The following AGBL4 variants were observed in gnomAD, a reference collection of about 807,000 sequenced individuals.
AGBL4 encodes AGBL carboxypeptidase 4.
AGBL4 carries 58 observed loss-of-function variants against 66.4 expected under a neutral mutation model. That is an observed-to-expected ratio of 0.87 (90% CI 0.71 to 1.09). The LOEUF is 1.09. Ranked by LOEUF, AGBL4 falls within the 50% of genes least tolerant of loss-of-function variation. The pLI is 0.00. For synonymous variants in AGBL4, 234 were observed against 222.9 expected, an observed-to-expected ratio of 1.05 and a Z score of -0.44; for missense variants, 579 against 631.0, an observed-to-expected ratio of 0.92 and a Z score of 0.88.
intron 1 of AGBL4, among the ~76,000 whole-genome samples, chr1:49,894,727 A>G (rs1649012336): frequency 6.6e-6 from 1 of 152,168 alleles, no homozygotes; most frequent in African/African-American, 2.4e-5. Context: ...AGAGGATACA[A>G]AAGAAAAAAG....
At chr1:49,891,738 A>G (rs370524911) in intron 1 of AGBL4, among the ~76,000 whole-genome samples, 1 of 152,194 alleles carries the variant, frequency 6.6e-6, no homozygotes, top group Non-Finnish European at 1.5e-5. Flanking sequence ...CAGAATTGAT[A>G]AGACAAGAAC....
chr1:49,815,497 T>C (rs942369115), intron 2 of AGBL4, among the ~76,000 whole-genome samples: 2 of 152,222 alleles, frequency 1.3e-5, no homozygotes, highest in African/African-American at 4.8e-5. Context: ...AGATATATTT[T>C]TGATATACTG....
chr1:49,626,566 G>C (rs1343693820), intron 3 of AGBL4, among the ~76,000 whole-genome samples: 1 of 152,096 alleles, frequency 6.6e-6, no homozygotes, highest in Non-Finnish European at 1.5e-5. Flanking sequence ...TCAGTGCCTT[G>C]TGCCTACTCC....
chr1:49,037,457 C>T (rs570033451), intron 5 of AGBL4, among the ~76,000 whole-genome samples: 11 of 152,032 alleles, frequency 7.2e-5, no homozygotes, highest in Non-Finnish European at 1.5e-4. Context: ...AGGATACAGT[C>T]CAAATTCTTT....
At chr1:49,796,665 C>T (rs951899813) in intron 2 of AGBL4, among the ~76,000 whole-genome samples, 2 of 151,144 alleles carry the variant, frequency 1.3e-5, no homozygotes, top group Non-Finnish European at 3.0e-5. Context: ...TATGTTTCTG[C>T]TTTTTTCTAT....
At chr1:49,728,984 A>G (rs191147324) in intron 2 of AGBL4, among the ~76,000 whole-genome samples, 1 of 152,202 alleles carries the variant, frequency 6.6e-6, no homozygotes, top group Non-Finnish European at 1.5e-5. Flanking sequence ...TCCATATTGT[A>G]TGTTCACTTA....
chr1:48,976,770 G>A (rs570338585), intron 5 of AGBL4, among the ~76,000 whole-genome samples: 1 of 151,954 alleles, frequency 6.6e-6, no homozygotes, highest in South Asian at 2.1e-4. Context: ...AGAAACAAAG[G>A]GCTCATTCCT....
chr1:49,377,235 T>C (rs2148565191), intron 3 of AGBL4, among the ~76,000 whole-genome samples: 1 of 152,230 alleles, frequency 6.6e-6, no homozygotes, highest in African/African-American at 2.4e-5. Context: ...CACAAAACTA[T>C]GAGACTAGAA....
chr1:49,619,042 C>T (rs1558106425), intron 3 of AGBL4, among the ~76,000 whole-genome samples: 1 of 152,064 alleles, frequency 6.6e-6, no homozygotes, highest in Non-Finnish European at 1.5e-5. Flanking sequence ...GGAAGCATTC[C>T]CTTCGAAAAC....
chr1:48,885,806 C>T (rs1650269465), intron 5 of AGBL4, among the ~76,000 whole-genome samples: 1 of 152,130 alleles, frequency 6.6e-6, no homozygotes, highest in Admixed American at 6.5e-5. Context: ...GGTTATACCA[C>T]CATCTTGGCT....
intron 11 of AGBL4, among the ~76,000 whole-genome samples, chr1:48,540,035 T>C (rs1248745080): frequency 2.0e-5 from 3 of 152,128 alleles, no homozygotes; most frequent in Non-Finnish European, 4.4e-5. Flanking sequence ...ACCCAAAGCC[T>C]GTGCTCATAG....
chr1:49,270,669 C>T (rs572985913), intron 3 of AGBL4, among the ~76,000 whole-genome samples: 1 of 152,066 alleles, frequency 6.6e-6, no homozygotes, highest in Non-Finnish European at 1.5e-5. Flanking sequence ...TCTTCTATTC[C>T]CTCTCTAGAA....
chr1:48,959,895 A>G (rs1657812886), intron 5 of AGBL4, among the ~76,000 whole-genome samples: 1 of 152,234 alleles, frequency 6.6e-6, no homozygotes, highest in South Asian at 2.1e-4. Flanking sequence ...GGCCACAGTA[A>G]GAAGACTTTC....
chr1:48,784,477 G>A (rs958386428), intron 6 of AGBL4, among the ~76,000 whole-genome samples: 2 of 152,170 alleles, frequency 1.3e-5, no homozygotes, highest in Admixed American at 6.5e-5. Flanking sequence ...AATTTCAAAT[G>A]TTCAAGAGCC....
At chr1:49,313,942 C>T (rs1409856988) in intron 3 of AGBL4, among the ~76,000 whole-genome samples, 1 of 152,112 alleles carries the variant, frequency 6.6e-6, no homozygotes. Flanking sequence ...AGTCTTTGCC[C>T]ATGCCTATGT....
At chr1:48,679,883 C>T (rs1056645121) in intron 6 of AGBL4, among the ~76,000 whole-genome samples, 7 of 152,368 alleles carry the variant, frequency 4.6e-5, no homozygotes, top group African/African-American at 1.2e-4. Context: ...GGCCAGAGGC[C>T]GCCGTGTGTC....
chr1:48,735,389 G>A (rs369705236), intron 6 of AGBL4, among the ~76,000 whole-genome samples: 230 of 152,110 alleles, frequency 1.5e-3, no homozygotes, highest in South Asian at 0.014. Flanking sequence ...ATGGATGGAG[G>A]GAGGGTGGGA....
At chr1:49,926,520 G>A (rs548450886) in intron 1 of AGBL4, among the ~76,000 whole-genome samples, 1 of 152,240 alleles carries the variant, frequency 6.6e-6, no homozygotes, top group East Asian at 1.9e-4. Flanking sequence ...AACCATCCAG[G>A]AAAACAGGAC....
At chr1:48,845,879 A>C (rs1197088797) in intron 6 of AGBL4, among the ~76,000 whole-genome samples, 1 of 152,188 alleles carries the variant, frequency 6.6e-6, no homozygotes, top group Non-Finnish European at 1.5e-5. Context: ...GTTTTTGTGA[A>C]GATTAAGTGA....
Sources: gnomAD v4.1 joint callset for allele counts (sites outside exome capture counted in the v4.1 genomes callset) on GRCh38, gnomAD v4.1.1 for gene constraint, MANE v1.5 for transcripts, NCBI Gene and HGNC (gene_info 2026-07-23, HGNC 2026-07-21) for gene names.